Variants in CNTN5 observed in about 807,000 individuals in gnomAD.
CNTN5 encodes contactin-5.
A neutral mutation model predicts 129.1 loss-of-function variants in CNTN5; 77 were observed. That is an observed-to-expected ratio of 0.60 (90% CI 0.50 to 0.72). The LOEUF is 0.72. CNTN5 is among the 30% of genes least tolerant of loss of function. CNTN5 has a pLI of 0.00. For synonymous variants in CNTN5, 509 were observed against 465.6 expected, an observed-to-expected ratio of 1.09 and a Z score of -1.20; for missense variants, 1,478 against 1,328.8, an observed-to-expected ratio of 1.11 and a Z score of -1.75.
intron 2 of CNTN5, among the ~76,000 whole-genome samples, chr11:99,415,056 T>C (rs1942586188): frequency 3.5e-3 from 1 of 286 alleles, no homozygotes; most frequent in Admixed American, 0.033. Context: ...CAAGGCATGC[T>C]AAAACACACT....
rs575375139 is a variant in CNTN5, at chr11:99,748,148, T to A, written c.56-71396T>A. ...TTGAGGATTTTTGCATCTGAATTTT[T>A]CAGGGATATATTGCCCTATGCTTCT... On this transcript the variant is annotated intron_variant, in intron 3 of 24. Transcript: ENST00000524871. Among the ~76,000 whole-genome samples the A allele has an allele frequency of 5.9e-5, 9 of 152,268 alleles. No individual in the cohort carries two copies. The South Asian group carries it at 1.9e-3, about 32-fold the overall frequency.
intron 10 of CNTN5, 47 bp from the exon 11 acceptor site, chr11:100,070,377 C>G (rs1255166734): frequency 6.4e-7 from 1 of 1,557,780 alleles, no homozygotes; most frequent in African/African-American, 1.4e-5. Context: ...CTTGGTAAAG[C>G]GTTTGAGAAA....
intron 3 of CNTN5, among the ~76,000 whole-genome samples, chr11:99,591,090 ATC>A (rs1265335121): frequency 6.6e-6 from 1 of 152,136 alleles, no homozygotes; most frequent in Non-Finnish European, 1.5e-5. Context: ...TTGATGTAAC[ATC>A]TCCACGTTGG....
At chr11:100,224,649 C>T in intron 15 of CNTN5, 43 bp from the exon 16 acceptor site, 1 of 1,582,738 alleles carries the variant, frequency 6.3e-7, no homozygotes, top group Non-Finnish European at 8.6e-7. Flanking sequence ...TTGAACTAGG[C>T]AGATTTGCAA....
intron 1 of CNTN5, among the ~76,000 whole-genome samples, chr11:99,173,659 A>G (rs1857633660): frequency 6.6e-6 from 1 of 152,206 alleles, no homozygotes; most frequent in African/African-American, 2.4e-5. Flanking sequence ...TTACATAGAA[A>G]AGGTGAGAAG....
intron 2 of CNTN5, among the ~76,000 whole-genome samples, chr11:99,331,064 G>C (rs1430254152): frequency 6.6e-6 from 1 of 151,934 alleles, no homozygotes; most frequent in African/African-American, 2.4e-5. Flanking sequence ...TAGACAGGAA[G>C]ACTCGATTTT....
intron 15 of CNTN5, among the ~76,000 whole-genome samples, chr11:100,214,372 C>T (rs546181485): frequency 6.6e-6 from 1 of 152,224 alleles, no homozygotes; most frequent in East Asian, 1.9e-4. Context: ...GCCTTCTTTC[C>T]ACTGCTACAA....
chr11:99,214,887 TTATTATGCTTGAG>T (rs1335802205), intron 1 of CNTN5, among the ~76,000 whole-genome samples: 1 of 152,120 alleles, frequency 6.6e-6, no homozygotes, highest in African/African-American at 2.4e-5. Flanking sequence ...GTCATCATCT[TTATTATGCTTGAG>T]TATTTCAAGT....
chr11:99,403,097 C>G (rs1402614096), intron 2 of CNTN5, among the ~76,000 whole-genome samples: 1 of 150,766 alleles, frequency 6.6e-6, no homozygotes, highest in Non-Finnish European at 1.5e-5. Flanking sequence ...AGCTCCACCT[C>G]CCGGGTTCAC....
At chr11:100,217,671 G>A (rs1333251262) in intron 15 of CNTN5, among the ~76,000 whole-genome samples, 1 of 152,118 alleles carries the variant, frequency 6.6e-6, no homozygotes, top group African/African-American at 2.4e-5. Flanking sequence ...TAGACAGTGG[G>A]ATAATTCACT....
intron 7 of CNTN5, among the ~76,000 whole-genome samples, chr11:99,947,343 A>C (rs1476290958): frequency 8.1e-6 from 1 of 123,358 alleles, no homozygotes; most frequent in Non-Finnish European, 1.8e-5. Flanking sequence ...TTTTATGATT[A>C]GGTTTTTTTT....
At chr11:99,511,350 G>A (rs986853939) in intron 2 of CNTN5, among the ~76,000 whole-genome samples, 3 of 152,072 alleles carry the variant, frequency 2.0e-5, no homozygotes, top group Non-Finnish European at 4.4e-5. Context: ...TAGTTGAGAG[G>A]TTTTGAGTGA....
rs376937066 is a variant in CNTN5, at chr11:99,983,650, G to T, written c.878-18384G>T. Among the ~76,000 whole-genome samples the T allele has an allele frequency of 1.6e-3, 240 of 152,294 alleles. 3 individuals carry two copies. The highest frequency in any genetic ancestry group is 5.5e-3 in the African/African-American group (227 of 41,556). On this transcript the variant is annotated intron_variant, in intron 8 of 24. Transcript: ENST00000524871. ...AGCCCTGAAAGGACTTTTGGAGAAA[G>T]ACATTGATTGACAATATGCTACCAT...
intron 6 of CNTN5, among the ~76,000 whole-genome samples, chr11:99,890,890 T>C (rs1057025297): frequency 6.6e-6 from 1 of 152,166 alleles, no homozygotes; most frequent in Non-Finnish European, 1.5e-5. Context: ...TTTACCTCTG[T>C]GATCTTTCTC....
chr11:100,074,891 T>G (rs1214920709), intron 13 of CNTN5, among the ~76,000 whole-genome samples: 1 of 152,116 alleles, frequency 6.6e-6, no homozygotes, highest in African/African-American at 2.4e-5. Context: ...GAAAAAATCA[T>G]GAGGGAATCA....
intron 1 of CNTN5, among the ~76,000 whole-genome samples, chr11:99,265,405 T>C (rs893959646): frequency 4.6e-5 from 7 of 152,168 alleles, no homozygotes; most frequent in East Asian, 3.9e-4. Flanking sequence ...AGTTTGGAAC[T>C]GTGGCCCTAT....
chr11:99,998,703 T>C (rs1939629084), intron 8 of CNTN5, among the ~76,000 whole-genome samples: 2 of 134,626 alleles, frequency 1.5e-5, no homozygotes, highest in Admixed American at 8.0e-5. Flanking sequence ...ACCAAGTCAA[T>C]CCTAAGCCAA....
Position 99,578,734 on chromosome 11 carries a change from T to C in CNTN5, c.55+22465T>C, listed in dbSNP as rs11220527. ...ATTGTAGATTCTGGATATTAGCCCT[T>C]TGTCAGATGAGTAGGTTGCAAAAAT... On this transcript the variant is annotated intron_variant, in intron 3 of 24. Coordinates refer to ENST00000524871, the MANE Select transcript of CNTN5 (RefSeq NM_014361.4). Among the ~76,000 whole-genome samples, 1,000 of 152,010 alleles carry C rather than the reference T, an allele frequency of 6.6e-3. 8 individuals are homozygous for C. Among genetic ancestry groups the C allele is most frequent in the African/African-American group, 0.022 (897 of 41,466 alleles).
intron 3 of CNTN5, among the ~76,000 whole-genome samples, chr11:99,720,493 A>G (rs1943136384): frequency 1.3e-5 from 2 of 152,166 alleles, no homozygotes; most frequent in South Asian, 2.1e-4. Context: ...TAAACTAGGT[A>G]TTGAAAGAAC....
Sources: allele counts gnomAD v4.1 joint callset (sites outside exome capture counted in the v4.1 genomes callset), GRCh38; gene constraint gnomAD v4.1.1; transcripts MANE v1.5; gene names NCBI Gene and HGNC (gene_info 2026-07-23, HGNC 2026-07-21).